ERC2: variants seen among roughly 807,000 people sequenced by gnomAD.
ERC2 encodes the protein ELKS/RAB6-interacting/CAST family member 2.
In ERC2, 42 loss-of-function variants were observed where a neutral mutation model predicts 114.8. The observed-to-expected ratio is 0.37, with a 90% CI of 0.29 to 0.47. ERC2 has a LOEUF of 0.47. Among genes scored for constraint, ERC2 ranks in the 20% least tolerant of loss-of-function variants. The pLI is 0.99. For synonymous variants in ERC2, 454 were observed against 425.5 expected (o/e 1.07, Z -0.82); for missense variants, 939 against 1,150.7 (o/e 0.82, Z 2.66).
At chr3:56,088,318 T>C (rs1369766723) in intron 6 of ERC2, among the ~76,000 whole-genome samples, 1 of 152,198 alleles carries the variant, frequency 6.6e-6, no homozygotes, top group Non-Finnish European at 1.5e-5. Flanking sequence ...ATGATTTTGC[T>C]GCAAAATAGG....
intron 12 of ERC2, among the ~76,000 whole-genome samples, chr3:55,979,035 A>G (rs2069845999): frequency 6.6e-6 from 1 of 152,178 alleles, no homozygotes; most frequent in Non-Finnish European, 1.5e-5. Flanking sequence ...TTTCTCACCA[A>G]GGCCCATTCA....
intron 14 of ERC2, among the ~76,000 whole-genome samples, chr3:55,839,467 G>A (rs1340384060): frequency 6.6e-6 from 1 of 151,550 alleles, no homozygotes; most frequent in Non-Finnish European, 1.5e-5. Context: ...CTTCTAATTA[G>A]CCATTTAAAA....
At chr3:55,889,454 T>C (rs540370247) in intron 13 of ERC2, among the ~76,000 whole-genome samples, 2 of 152,250 alleles carry the variant, frequency 1.3e-5, no homozygotes, top group South Asian at 2.1e-4. Flanking sequence ...TAATACACCA[T>C]AGAAATAAGC....
rs35155507 is a variant in ERC2 at position 56,264,596 on chromosome 3, CAA to C, written c.1074+31421_1074+31422del. Among the ~76,000 whole-genome samples the C allele has an allele frequency of 3.9e-3, 540 of 136,784 alleles. 4 individuals carry two copies. The highest frequency in any genetic ancestry group is 0.011 in the African/African-American group (388 of 36,736). The allele number at this position is 136,784 out of a possible 152,430, so 89.7% of individuals were successfully genotyped here. On this transcript the variant is annotated intron_variant, in intron 3 of 17. Coordinates refer to ENST00000288221, the MANE Select transcript of ERC2 (RefSeq NM_015576.3). The stretch of plus-strand genomic sequence containing the variant: ...TAGGTGACAGTGTGAGACTCCATCT[CAA>C]AAAAAAAAAAAATCAATAAGGCAAG...
intron 14 of ERC2, among the ~76,000 whole-genome samples, chr3:55,825,265 T>C (rs1280417739): frequency 6.6e-6 from 1 of 152,228 alleles, no homozygotes; most frequent in African/African-American, 2.4e-5. Context: ...CTCCATTTTA[T>C]ACCTGAGTCT....
intron 7 of ERC2, among the ~76,000 whole-genome samples, chr3:56,079,247 G>A (rs1009817896): frequency 9.2e-5 from 14 of 151,938 alleles, no homozygotes; most frequent in African/African-American, 3.4e-4. Flanking sequence ...ATTGATTCAC[G>A]AAAGCGCTTC....
At position 56,286,508 on chromosome 3, in the gene ERC2, T is replaced by A. The variant is rs554055230; in HGVS notation, c.1074+9511A>T. 3.3e-4 allele frequency among the ~76,000 whole-genome samples: 50 copies of A among 152,096 alleles called. 1 individual carries two copies. In the South Asian group the frequency reaches 0.01, roughly 31 times the overall value. ...AAGCTATATGTGAAAACAGTAAGATTTGATCCTCTAAATATAACTAATTGC... is the reference window on the plus strand; with the variant it reads ...AAGCTATATGTGAAAACAGTAAGATATGATCCTCTAAATATAACTAATTGC... On this transcript the variant is annotated intron_variant, in intron 3 of 17. Coordinates refer to ENST00000288221, the MANE Select transcript of ERC2 (RefSeq NM_015576.3).
At chr3:55,819,616 T>C (rs2060039121) in intron 14 of ERC2, among the ~76,000 whole-genome samples, 1 of 152,206 alleles carries the variant, frequency 6.6e-6, no homozygotes, top group Admixed American at 6.5e-5. Context: ...TGAGTGGAAA[T>C]TCTCTACCAC....
chr3:55,760,336 T>G (rs114225137), intron 14 of ERC2, among the ~76,000 whole-genome samples: 2,650 of 152,280 alleles, frequency 0.017, 76 homozygotes, highest in African/African-American at 0.061. Flanking sequence ...TGTGAAAAAT[T>G]GATTAGGAGC....
chr3:56,254,904 G>A (rs1326925955), intron 3 of ERC2, among the ~76,000 whole-genome samples: 3 of 152,078 alleles, frequency 2.0e-5, no homozygotes, highest in Admixed American at 2.0e-4. Context: ...TCACTAATGT[G>A]AAAAAAGAAG....
chr3:56,003,051 T>A (rs1305441675), intron 10 of ERC2: 2 of 1,264,734 alleles, frequency 1.6e-6, no homozygotes, highest in Non-Finnish European at 2.1e-6. Flanking sequence ...GATCAATGGA[T>A]CCTCATGCTT....
intron 14 of ERC2, among the ~76,000 whole-genome samples, chr3:55,866,005 G>A (rs563746269): frequency 5.3e-5 from 8 of 152,076 alleles, no homozygotes; most frequent in African/African-American, 1.9e-4. Flanking sequence ...TGGTAACTTT[G>A]TTTAACATTT....
chr3:55,756,299 T>C (rs1048190179), intron 14 of ERC2, among the ~76,000 whole-genome samples: 1 of 152,188 alleles, frequency 6.6e-6, no homozygotes, highest in African/African-American at 2.4e-5. Context: ...GCGCTGATAA[T>C]TATTAAAACT....
chr3:55,744,713 T>A (rs2066199938), intron 14 of ERC2, among the ~76,000 whole-genome samples: 1 of 152,258 alleles, frequency 6.6e-6, no homozygotes, highest in Non-Finnish European at 1.5e-5. Context: ...TCCCACCCTG[T>A]GGAGTGTACT....
chr3:55,775,395 G>A (rs113541861), intron 14 of ERC2, among the ~76,000 whole-genome samples: 2,657 of 152,036 alleles, frequency 0.017, 80 homozygotes, highest in African/African-American at 0.061. Flanking sequence ...AGCCTGGCGC[G>A]GTTGTGCATG....
chr3:55,890,093 T>C (rs983939897), intron 13 of ERC2, among the ~76,000 whole-genome samples: 4 of 152,208 alleles, frequency 2.6e-5, no homozygotes, highest in African/African-American at 9.6e-5. Flanking sequence ...GTAGAGTAAA[T>C]TGAATTATTC....
chr3:56,093,139 TGGA>T (rs1178533982), intron 6 of ERC2, among the ~76,000 whole-genome samples: 3 of 151,232 alleles, frequency 2.0e-5, no homozygotes, highest in African/African-American at 7.3e-5. Context: ...CAAATACTCC[TGGA>T]GGATGGGGAC....
intron 17 of ERC2, among the ~76,000 whole-genome samples, chr3:55,606,354 T>C (rs1490737885): frequency 6.6e-6 from 1 of 152,194 alleles, no homozygotes. Context: ...TCAACTGGGC[T>C]GGGCTAGGGG....
At chr3:55,805,551 G>A (rs1334933000) in intron 14 of ERC2, among the ~76,000 whole-genome samples, 1 of 151,562 alleles carries the variant, frequency 6.6e-6, no homozygotes, top group Non-Finnish European at 1.5e-5. Flanking sequence ...AGAAGACTGA[G>A]GACAGTACAG....
Sources: gnomAD v4.1 joint callset for allele counts (sites outside exome capture counted in the v4.1 genomes callset) on GRCh38, gnomAD v4.1.1 for gene constraint, MANE v1.5 for transcripts, NCBI Gene and HGNC (gene_info 2026-07-23, HGNC 2026-07-21) for gene names.